NELL1: variants seen among roughly 807,000 people sequenced by gnomAD.
NELL1 encodes neural EGFL like 1.
NELL1 carries 76 observed loss-of-function variants against 107.4 expected under a neutral mutation model. That is an observed-to-expected ratio of 0.71 (90% confidence interval 0.59 to 0.86). The LOEUF is 0.86. Among genes scored for constraint, NELL1 ranks in the 40% least tolerant of loss-of-function variants. The pLI is 0.00. For synonymous variants in NELL1, 353 were observed against 341.2 expected (o/e 1.03, Z -0.38); for missense variants, 1,024 against 1,005.5 (o/e 1.02, Z -0.25).
chr11:21,540,685 A>C (rs1856270754), intron 16 of NELL1, among the ~76,000 whole-genome samples: 1 of 151,994 alleles, frequency 6.6e-6, no homozygotes. Context: ...TGTACTTTTC[A>C]ACAACCAGAT....
chr11:20,933,713 A>G (rs185479788), intron 9 of NELL1, among the ~76,000 whole-genome samples: 5 of 152,330 alleles, frequency 3.3e-5, no homozygotes, highest in Admixed American at 6.5e-5. Context: ...CCTTGTATCC[A>G]CATCTGACAG....
At chr11:21,273,907 A>G (rs1274962061) in intron 14 of NELL1, among the ~76,000 whole-genome samples, 7 of 152,216 alleles carry the variant, frequency 4.6e-5, no homozygotes, top group Admixed American at 4.6e-4. Flanking sequence ...AGGAAGCACT[A>G]AACATAGAAA....
intron 2 of NELL1, among the ~76,000 whole-genome samples, chr11:20,718,031 T>C (rs1855294066): frequency 6.6e-6 from 1 of 152,202 alleles, no homozygotes; most frequent in Admixed American, 6.5e-5. Context: ...ATGCAGTTAG[T>C]TTTTTGGACT....
Position 20,912,972 on chromosome 11 carries a change from A to G in NELL1, c.604-5210A>G, listed in dbSNP as rs965782867. 9.2e-5 allele frequency among the ~76,000 whole-genome samples: 14 copies of G among 152,214 alleles called. 1 individual carries two copies. The highest frequency in any genetic ancestry group is 9.2e-4 in the Admixed American group (14 of 15,256). ...ATTAAGACTTTGGAAACAGCAGGACAGCTAATGATATGCTAATGAGCTGAC... is the reference window on the plus strand; with the variant it reads ...ATTAAGACTTTGGAAACAGCAGGACGGCTAATGATATGCTAATGAGCTGAC... On this transcript the variant is annotated intron_variant, in intron 5 of 19. Transcript: ENST00000357134.
chr11:21,315,861 T>TTGG (rs148401464), intron 14 of NELL1, among the ~76,000 whole-genome samples: 21 of 151,006 alleles, frequency 1.4e-4, no homozygotes, highest in East Asian at 5.9e-4. Flanking sequence ...TTTGAATGTG[T>TTGG]TGGTGGTGGT....
At chr11:21,140,159 A>G (rs1855834787) in intron 13 of NELL1, among the ~76,000 whole-genome samples, 1 of 152,132 alleles carries the variant, frequency 6.6e-6, no homozygotes, top group African/African-American at 2.4e-5. Context: ...GCTCCATCCC[A>G]AGAGCCTGGG....
intron 13 of NELL1, among the ~76,000 whole-genome samples, chr11:21,227,443 G>A (rs1157365311): frequency 1.3e-5 from 2 of 152,100 alleles, no homozygotes; most frequent in African/African-American, 2.4e-5. Flanking sequence ...GTTCAGGCTA[G>A]CAAAGACCAT....
chr11:20,954,483 C>T (rs12574638), intron 11 of NELL1, among the ~76,000 whole-genome samples: 13,395 of 152,196 alleles, frequency 0.088, 1,465 homozygotes, highest in East Asian at 0.27. Context: ...ACAAAGATTG[C>T]CTTGATTGAG....
intron 13 of NELL1, among the ~76,000 whole-genome samples, chr11:21,207,418 G>A (rs190666953): frequency 6.6e-6 from 1 of 152,110 alleles, no homozygotes; most frequent in East Asian, 1.9e-4. Flanking sequence ...ATATTCCTAA[G>A]GCACATAGAG....
At position 21,573,284 on chromosome 11, in the gene NELL1, C is replaced by T. The variant is rs758880030; in HGVS notation, c.2257C>T (p.Pro753Ser). Reference sequence around the variant, plus strand: ...ATGTTGTCCCCGCTGTGTCAGTGACCCCTGCCTAGCTGATAACATCACCTA... The same window carrying T: ...ATGTTGTCCCCGCTGTGTCAGTGACTCCTGCCTAGCTGATAACATCACCTA... ...GECCPRCVSDPCLADNITYDI... is the reference protein window; with the variant it reads ...GECCPRCVSDSCLADNITYDI... Residue 753 changes from proline to serine, a missense_variant, in exon 19 of 20, where the codon CCC (proline) becomes TCC (serine). Coordinates refer to ENST00000357134, the MANE Select transcript of NELL1 (RefSeq NM_006157.5). 4 of 1,612,426 alleles carry T rather than the reference C, an allele frequency of 2.5e-6. No homozygotes were observed. The highest frequency in any genetic ancestry group is 3.4e-6 in the Non-Finnish European group (4 of 1,179,056).
intron 15 of NELL1, among the ~76,000 whole-genome samples, chr11:21,465,049 G>A (rs1166581395): frequency 6.6e-6 from 1 of 152,028 alleles, no homozygotes; most frequent in Admixed American, 6.6e-5. Context: ...CTGATACAAT[G>A]AGGCTCCCAG....
intron 13 of NELL1, among the ~76,000 whole-genome samples, chr11:21,146,429 C>G (rs556439635): frequency 5.9e-4 from 90 of 152,188 alleles, no homozygotes; most frequent in African/African-American, 2.1e-3. Context: ...CCAGAGAGAG[C>G]CGGGGTCATG....
chr11:20,756,996 G>T (rs1856310283), intron 2 of NELL1, among the ~76,000 whole-genome samples: 1 of 152,112 alleles, frequency 6.6e-6, no homozygotes, highest in Admixed American at 6.5e-5. Context: ...GACTGGAAGA[G>T]AACAGACTCT....
chr11:21,090,620 A>G (rs1854499243), intron 12 of NELL1, among the ~76,000 whole-genome samples: 1 of 152,156 alleles, frequency 6.6e-6, no homozygotes, highest in Admixed American at 6.5e-5. Flanking sequence ...ACAATGCCAT[A>G]AATGCAGAGA....
intron 15 of NELL1, among the ~76,000 whole-genome samples, chr11:21,461,964 G>C (rs966923919): frequency 6.6e-5 from 10 of 152,220 alleles, no homozygotes; most frequent in African/African-American, 2.4e-4. Context: ...AAGAAGCAGA[G>C]CCAAATGCAA....
intron 15 of NELL1, among the ~76,000 whole-genome samples, chr11:21,415,406 C>T (rs1035363908): frequency 6.6e-6 from 1 of 151,944 alleles, no homozygotes; most frequent in African/African-American, 2.4e-5. Context: ...TTGAATTTCT[C>T]AGTATGAGGT....
chr11:21,019,303 A>T (rs1852643594), intron 12 of NELL1, among the ~76,000 whole-genome samples: 1 of 152,066 alleles, frequency 6.6e-6, no homozygotes, highest in Non-Finnish European at 1.5e-5. Flanking sequence ...GGAACATTGG[A>T]TCCCAAGCAG....
chr11:20,783,744 C>T lies in NELL1; in HGVS notation c.249C>T (p.Asn83=), dbSNP rs576614526. The T allele has an allele frequency of 1.9e-6, 3 of 1,613,962 alleles. No homozygotes were observed. The change falls in exon 3 of 20, where the codon AAC becomes AAT. Residue 83 remains asparagine (N), a synonymous_variant. Coordinates refer to ENST00000357134, the MANE Select transcript of NELL1 (RefSeq NM_006157.5). ...AGAAATTAATTCAGCTGTTCCGGAA[C>T]AAGAGTGAATTCACCATTTTGGCCA... ...VSEKLIQLFR[N]KSEFTILATV... is the part of the protein sequence containing the mutation.
intron 12 of NELL1, among the ~76,000 whole-genome samples, chr11:21,094,551 C>A (rs1478859504): frequency 6.6e-6 from 1 of 152,220 alleles, no homozygotes; most frequent in Non-Finnish European, 1.5e-5. Context: ...GAGTGTCCTG[C>A]CCCTGCAGCA....
Sources: gnomAD v4.1 joint callset for allele counts (sites outside exome capture counted in the v4.1 genomes callset) on GRCh38, gnomAD v4.1.1 for gene constraint, MANE v1.5 for transcripts, NCBI Gene and HGNC (gene_info 2026-07-23, HGNC 2026-07-21) for gene names.